The following GPR158 variants were observed in gnomAD, a reference collection of about 807,000 sequenced individuals.
GPR158 encodes the protein G protein-coupled receptor 158, also known as metabotropic glycine receptor.
A neutral mutation model predicts 78.2 loss-of-function variants in GPR158; 30 were observed. That is an observed-to-expected ratio of 0.38 (90% CI 0.29 to 0.52). The LOEUF (loss-of-function observed/expected upper bound fraction) is 0.52. Among genes scored for constraint, GPR158 ranks in the 20% least tolerant of loss-of-function variants. GPR158 has a pLI of 0.83. For missense variants in GPR158, 1,463 were observed against 1,523.5 expected (o/e 0.96, Z 0.66); for synonymous variants, 581 against 591.1 (o/e 0.98, Z 0.25).
At chr10:25,563,862 T>A (rs1252203602) in intron 6 of GPR158, among the ~76,000 whole-genome samples, 4 of 152,148 alleles carry the variant, frequency 2.6e-5, no homozygotes, top group African/African-American at 7.2e-5. Context: ...TCTAATAAGG[T>A]TAATGTCTGG....
At chr10:25,336,495 G>A (rs763725911) in intron 2 of GPR158, among the ~76,000 whole-genome samples, 1 of 151,938 alleles carries the variant, frequency 6.6e-6, no homozygotes, top group Admixed American at 6.6e-5. Flanking sequence ...GTGCCTCAGG[G>A]TTAGACTCTG....
intron 2 of GPR158, among the ~76,000 whole-genome samples, chr10:25,275,446 C>A (rs1270016902): frequency 6.6e-6 from 1 of 152,054 alleles, no homozygotes; most frequent in Non-Finnish European, 1.5e-5. Flanking sequence ...CTCCGTTAGC[C>A]CCTCGTTAAC....
chr10:25,354,984 C>A (rs1451336527), intron 2 of GPR158, among the ~76,000 whole-genome samples: 1 of 151,996 alleles, frequency 6.6e-6, no homozygotes, highest in Non-Finnish European at 1.5e-5. Flanking sequence ...GCTTTAGGAT[C>A]CTTTCTTTGT....
chr10:25,415,306 A>T (rs1300193418), intron 4 of GPR158, among the ~76,000 whole-genome samples: 5 of 152,168 alleles, frequency 3.3e-5, no homozygotes, highest in African/African-American at 1.2e-4. Context: ...TAAAGGACAC[A>T]TAACTAATCA....
chr10:25,571,819 C>G (rs1010980770), intron 6 of GPR158, among the ~76,000 whole-genome samples: 9 of 152,084 alleles, frequency 5.9e-5, no homozygotes, highest in African/African-American at 2.2e-4. Context: ...GAGATATATA[C>G]AGAAAAAACT....
At chr10:25,314,982 A>AT in intron 2 of GPR158, among the ~76,000 whole-genome samples, 1 of 149,606 alleles carries the variant, frequency 6.7e-6, no homozygotes, top group East Asian at 2.0e-4. Flanking sequence ...GTTTTTCTGA[A>AT]TTTTTTTGTC....
chr10:25,490,306 T>C (rs1835788749), intron 5 of GPR158, among the ~76,000 whole-genome samples: 1 of 151,470 alleles, frequency 6.6e-6, no homozygotes, highest in South Asian at 2.1e-4. Flanking sequence ...TTTTTTTTAA[T>C]TATACTTTAA....
chr10:25,457,140 C>CTT (rs11384299), intron 4 of GPR158, among the ~76,000 whole-genome samples: 2,264 of 59,348 alleles, frequency 0.038, 367 homozygotes, highest in Middle Eastern at 0.065. Flanking sequence ...CCATGCCCAC[C>CTT]TTTTTTTTTT....
chr10:25,225,578 T>C (rs1853362212), intron 2 of GPR158, among the ~76,000 whole-genome samples: 1 of 152,156 alleles, frequency 6.6e-6, no homozygotes, highest in African/African-American at 2.4e-5. Context: ...ACAGCTTATG[T>C]TTCTTTTATT....
intron 6 of GPR158, among the ~76,000 whole-genome samples, chr10:25,568,922 A>G (rs1302672393): frequency 2.0e-5 from 3 of 152,184 alleles, no homozygotes; most frequent in African/African-American, 7.2e-5. Context: ...TAGGAAGTCC[A>G]ATGATTTGAA....
At position 25,367,857 on chromosome 10, in the gene GPR158, GTA is replaced by G. The variant is rs892016285; in HGVS notation, c.1009-28050_1009-28049del. On this transcript the variant is annotated intron_variant, in intron 2 of 10. Transcript: ENST00000376351. ...AATATAGTTGCACAAACTCTCTTCT[GTA>G]TATGTTTGCAGGGAATGCTCTTTGG... Among the ~76,000 whole-genome samples, 33 of 151,680 alleles carry G rather than the reference GTA, an allele frequency of 2.2e-4. 1 individual carries two copies. The highest frequency in any genetic ancestry group is 3.4e-3 in the Middle Eastern group (1 of 294).
intron 6 of GPR158, among the ~76,000 whole-genome samples, chr10:25,562,436 C>CTCAA (rs1302151875): frequency 6.6e-6 from 1 of 151,976 alleles, no homozygotes; most frequent in Non-Finnish European, 1.5e-5. Context: ...ATAAATTTAC[C>CTCAA]TCAATCACTG....
intron 2 of GPR158, among the ~76,000 whole-genome samples, chr10:25,302,735 C>T (rs1854617784): frequency 6.6e-6 from 1 of 152,200 alleles, no homozygotes; most frequent in African/African-American, 2.4e-5. Flanking sequence ...AACAGTTTGG[C>T]AGCCCCTGTT....
At chr10:25,432,008 T>G (rs532366857) in intron 4 of GPR158, among the ~76,000 whole-genome samples, 1 of 74,278 alleles carries the variant, frequency 1.3e-5, no homozygotes, top group South Asian at 4.9e-4. Context: ...ATAATAATAA[T>G]AAAATAAAAA....
At chr10:25,359,866 A>G (rs1855606979) in intron 2 of GPR158, among the ~76,000 whole-genome samples, 1 of 152,186 alleles carries the variant, frequency 6.6e-6, no homozygotes, top group South Asian at 2.1e-4. Context: ...TAACTAATTT[A>G]CACTCCCACC....
At chr10:25,272,278 G>A in intron 2 of GPR158, among the ~76,000 whole-genome samples, 1 of 152,152 alleles carries the variant, frequency 6.6e-6, no homozygotes, top group East Asian at 1.9e-4. Context: ...TTTTAGGAAT[G>A]TATTGTTTTC....
At chr10:25,506,007 T>G (rs1233684238) in intron 5 of GPR158, among the ~76,000 whole-genome samples, 2 of 147,894 alleles carry the variant, frequency 1.4e-5, no homozygotes, top group African/African-American at 2.7e-5. Flanking sequence ...GTCTTAGCTT[T>G]CTTTGTGGTC....
At chr10:25,416,259 TAGCTGTGCC>T (rs1233324085) in intron 4 of GPR158, among the ~76,000 whole-genome samples, 4 of 152,150 alleles carry the variant, frequency 2.6e-5, no homozygotes, top group Non-Finnish European at 4.4e-5. Context: ...TTGGGAAACA[TAGCTGTGCC>T]TCTTTGAAGT....
intron 3 of GPR158, among the ~76,000 whole-genome samples, chr10:25,404,132 T>A (rs1056067320): frequency 3.3e-5 from 5 of 152,094 alleles, no homozygotes; most frequent in African/African-American, 1.2e-4. Context: ...AACTAGAAGA[T>A]TATTAAATTG....
Sources: allele counts gnomAD v4.1 joint callset (sites outside exome capture counted in the v4.1 genomes callset), GRCh38; gene constraint gnomAD v4.1.1; transcripts MANE v1.5; gene names NCBI Gene and HGNC (gene_info 2026-07-23, HGNC 2026-07-21).